Variants in CEP57L1 observed in about 807,000 individuals in gnomAD.
CEP57L1 encodes centrosomal protein 57 like 1.
In CEP57L1, 37 loss-of-function variants were observed where a neutral mutation model predicts 61.0. That is an observed-to-expected ratio of 0.61 (90% confidence interval 0.47 to 0.80). The LOEUF is 0.80. Ranked by LOEUF, CEP57L1 falls within the 30% of genes least tolerant of loss-of-function variation. The pLI, the probability that CEP57L1 is intolerant of heterozygous loss-of-function variation, is 0.00. For synonymous variants in CEP57L1, 137 were observed against 162.3 expected (o/e 0.84, Z 1.19); for missense variants, 422 against 524.7 (o/e 0.80, Z 1.91).
chr6:109,095,831 A>G (rs1487976026), intron 1 of CEP57L1, among the ~76,000 whole-genome samples: 1 of 152,074 alleles, frequency 6.6e-6, no homozygotes, highest in African/African-American at 2.4e-5. Flanking sequence ...ATGCTGTGGA[A>G]ACTGGAGCTT....
At chr6:109,128,745 A>G (rs1212128025) in intron 1 of CEP57L1, among the ~76,000 whole-genome samples, 1 of 152,192 alleles carries the variant, frequency 6.6e-6, no homozygotes, top group African/African-American at 2.4e-5. Flanking sequence ...AGGATCTATC[A>G]TCGTTCTCAA....
intron 1 of CEP57L1, among the ~76,000 whole-genome samples, chr6:109,100,579 G>T (rs571934565): frequency 6.6e-6 from 1 of 150,566 alleles, no homozygotes; most frequent in African/African-American, 2.4e-5. Flanking sequence ...GGAGGCTGAG[G>T]CAGGAGAATC....
At position 109,096,928 on chromosome 6, in the gene CEP57L1, A is replaced by C. The variant is rs1781772592; in HGVS notation, c.-4+1353A>C. On this transcript the variant is annotated intron_variant, in intron 1 of 10. Transcript: ENST00000517392. ...CTTCACCAACACCTATGACTCTCAA[A>C]TGAATAGCTCCATTCAGCTTCACCT... Among the ~76,000 whole-genome samples the C allele has an allele frequency of 2.0e-5, 3 of 152,192 alleles. No individual in the cohort carries two copies. In the South Asian group the frequency reaches 6.2e-4, roughly 31 times the overall value.
intron 1 of CEP57L1, among the ~76,000 whole-genome samples, chr6:109,130,547 C>A (rs1044723218): frequency 6.6e-6 from 1 of 151,242 alleles, no homozygotes; most frequent in Non-Finnish European, 1.5e-5. Flanking sequence ...TATACAAATA[C>A]CTCTTTGAGA....
Position 109,173,609 on chromosome 6 carries a change from T to A in CEP57L1, c.*10639T>A, listed in dbSNP as rs13210611. On this transcript the variant is annotated 3_prime_UTR_variant, in exon 11 of 11. Transcript: ENST00000517392. ...CTGGCTAATTAAAAAAAAAAAAAAA[T>A]TTTTTTTTTTGAGGAGACGCGGTCT... 0.15 allele frequency among the ~76,000 whole-genome samples: 22,012 copies of A among 143,138 alleles called. 2,232 individuals are homozygous for A. Among genetic ancestry groups the A allele is most frequent in the East Asian group, 0.43 (1,966 of 4,588 alleles). The allele number at this position is 143,138 out of a possible 152,430, so 93.9% of individuals were successfully genotyped here.
In CEP57L1 at chr6:109,173,321, T is replaced by C. The variant is rs1774486533; in HGVS notation, c.*10351T>C. ...TTGGAACATGAGACCATTTAAAGAA[T>C]ATTATTTCCTTCCAGTTTATTCAAG... On this transcript the variant is annotated 3_prime_UTR_variant, in exon 11 of 11. Transcript: ENST00000517392. 6.6e-6 allele frequency among the ~76,000 whole-genome samples: 1 copy of C among 152,100 alleles called. No homozygotes were observed. The highest frequency in any genetic ancestry group is 2.1e-4 in the South Asian group (1 of 4,820).
chr6:109,125,975 T>C lies in CEP57L1; in HGVS notation c.-3-19244T>C, dbSNP rs140352507. Among the ~76,000 whole-genome samples, 1,306 of 152,212 alleles carry C rather than the reference T, an allele frequency of 8.6e-3. 23 individuals carry two copies. The highest frequency in any genetic ancestry group is 0.03 in the African/African-American group (1,238 of 41,534). On this transcript the variant is annotated intron_variant, in intron 1 of 10. Coordinates refer to ENST00000517392, the MANE Select transcript of CEP57L1 (RefSeq NM_001271852.3). ...TAAAAGTACATATTAAAGCACAATA[T>C]GTGTGTGTGTTTTTTTAAGTTAGGA...
chr6:109,161,787 A>T (rs932584994), intron 10 of CEP57L1, among the ~76,000 whole-genome samples: 4 of 152,080 alleles, frequency 2.6e-5, no homozygotes, highest in Non-Finnish European at 4.4e-5. Context: ...CTATATTTTT[A>T]AAAACATGAT....
At chr6:109,129,204 C>T (rs1773912848) in intron 1 of CEP57L1, 1 of 362,060 alleles carries the variant, frequency 2.8e-6, no homozygotes, top group Admixed American at 4.6e-5. Context: ...CATCTCTAAA[C>T]AAAAACCAAA....
intron 1 of CEP57L1, among the ~76,000 whole-genome samples, chr6:109,112,076 T>C (rs1004347813): frequency 6.6e-6 from 1 of 152,244 alleles, no homozygotes; most frequent in Admixed American, 6.5e-5. Flanking sequence ...TTCTATTGTT[T>C]GGAATAATTT....
chr6:109,155,347 T>A, intron 6 of CEP57L1, 40 bp downstream of exon 6: 1 of 1,034,780 alleles, frequency 9.7e-7, no homozygotes, highest in East Asian at 2.8e-5. Context: ...GTAAACCATA[T>A]ATGTTTTATT....
chr6:109,169,508 A>G lies in CEP57L1; in HGVS notation c.*6538A>G, dbSNP rs1026654549. Among the ~76,000 whole-genome samples the G allele has an allele frequency of 1.3e-5, 2 of 152,212 alleles. No homozygotes were observed. Among genetic ancestry groups the G allele is most frequent in the Admixed American group, 1.3e-4 (2 of 15,274 alleles). On this transcript the variant is annotated 3_prime_UTR_variant, in exon 11 of 11. Coordinates refer to ENST00000517392, the MANE Select transcript of CEP57L1 (RefSeq NM_001271852.3). ...AAATATTGTTTCATGTGTTTTACAG[A>G]TAACAAGTCTCATTTTAATCAATAC... is the stretch of plus-strand genomic sequence containing the variant.
rs1281090300 is a variant in CEP57L1, at chr6:109,163,817, T to C, written c.*847T>C. 1 of 152,060 alleles carries C rather than the reference T, an allele frequency of 6.6e-6. No homozygotes were observed. Among genetic ancestry groups the C allele is most frequent in the Non-Finnish European group, 1.5e-5 (1 of 68,008 alleles). 9.4% of individuals were successfully genotyped at this position (152,060 alleles called of 1,614,324 possible). On this transcript the variant is annotated 3_prime_UTR_variant, in exon 11 of 11. Transcript: ENST00000517392. ...CCAGCAGAAATTCACGGTAGTATGGTATATTTTTATTTTTTATATTTTAAA... is the reference window on the plus strand; with the variant it reads ...CCAGCAGAAATTCACGGTAGTATGGCATATTTTTATTTTTTATATTTTAAA...
At chr6:109,108,400 C>T (rs966284743) in intron 1 of CEP57L1, among the ~76,000 whole-genome samples, 1 of 152,014 alleles carries the variant, frequency 6.6e-6, no homozygotes, top group Non-Finnish European at 1.5e-5. Context: ...TTAGCAGAGA[C>T]AGGGTTTCAC....
chr6:109,153,295 G>A (rs917833710), intron 4 of CEP57L1, among the ~76,000 whole-genome samples: 1 of 134,606 alleles, frequency 7.4e-6, no homozygotes, highest in South Asian at 2.3e-4. Context: ...AGACTGGAGT[G>A]CGGTAGCACA....
At chr6:109,115,163 T>A (rs1418098675) in intron 1 of CEP57L1, among the ~76,000 whole-genome samples, 1 of 152,178 alleles carries the variant, frequency 6.6e-6, no homozygotes, top group Non-Finnish European at 1.5e-5. Flanking sequence ...AATTTTTTAT[T>A]CTTTCATTGT....
At chr6:109,136,068 T>C (rs1485481825) in intron 1 of CEP57L1, among the ~76,000 whole-genome samples, 1 of 152,218 alleles carries the variant, frequency 6.6e-6, no homozygotes, top group Non-Finnish European at 1.5e-5. Flanking sequence ...TTACTGGGTA[T>C]ATACCCAAAG....
chr6:109,111,544 A>G (rs1437422837), intron 1 of CEP57L1, among the ~76,000 whole-genome samples: 2 of 152,202 alleles, frequency 1.3e-5, no homozygotes, highest in East Asian at 1.9e-4. Flanking sequence ...CCCTGGCCAG[A>G]ACTTCCAATA....
chr6:109,095,679 A>T (rs1781605603), intron 1 of CEP57L1, 104 bp downstream of exon 1: 4 of 716,406 alleles, frequency 5.6e-6, no homozygotes, highest in Non-Finnish European at 5.1e-6. Context: ...GGCCTCCCTT[A>T]GTCCAAGGAC....
Sources: gnomAD v4.1 joint callset for allele counts (sites outside exome capture counted in the v4.1 genomes callset) on GRCh38, gnomAD v4.1.1 for gene constraint, MANE v1.5 for transcripts, NCBI Gene and HGNC (gene_info 2026-07-23, HGNC 2026-07-21) for gene names.